LDB2: variants seen among roughly 807,000 people sequenced by gnomAD.
LDB2 encodes LIM domain binding 2.
Under a neutral mutation model 44.3 loss-of-function variants are expected in LDB2, and 12 were observed. The observed-to-expected ratio is 0.27, with a 90% CI of 0.17 to 0.44. LDB2 has a LOEUF of 0.44. LDB2 is among the 20% of genes least tolerant of loss of function. LDB2 has a pLI of 1.00. For missense variants in LDB2, 344 were observed against 473.5 expected, an observed-to-expected ratio of 0.73 and a Z score of 2.54; for synonymous variants, 164 against 174.8, an observed-to-expected ratio of 0.94 and a Z score of 0.49.
chr4:16,574,674 A>G (rs1275659446), intron 5 of LDB2, among the ~76,000 whole-genome samples: 2 of 152,210 alleles, frequency 1.3e-5, no homozygotes, highest in Non-Finnish European at 2.9e-5. Flanking sequence ...TATAATGTAA[A>G]AAATAAATGG....
intron 3 of LDB2, among the ~76,000 whole-genome samples, chr4:16,592,505 T>TATATATATACAC (rs757702164): frequency 7.5e-4 from 81 of 107,930 alleles, no homozygotes; most frequent in African/African-American, 2.9e-3. Flanking sequence ...TATATATATA[T>TATATATATACAC]ACACACACAC....
At chr4:16,644,925 G>C (rs547888699) in intron 2 of LDB2, among the ~76,000 whole-genome samples, 6 of 152,146 alleles carry the variant, frequency 3.9e-5, no homozygotes, top group African/African-American at 1.2e-4. Context: ...TACTATTCTA[G>C]GTATCTTTAG....
In LDB2 at chr4:16,582,050, G is replaced by GAAGGAAGA. The variant is rs1714884977; in HGVS notation, c.615+3871_615+3872insTCTTCCTT. ...GGAAGGAAGGAAGGAAGGAAGGAAGGAAAAGAAAGTAAGTCCCTGCAAAGC... is the reference window on the plus strand; with the variant it reads ...GGAAGGAAGGAAGGAAGGAAGGAAGGAAGGAAGAAAAAGAAAGTAAGTCCCTGCAAAGC... On this transcript the variant is annotated intron_variant, in intron 5 of 7. Transcript: ENST00000304523. This position sits in a 1 kb window ranked among gnomAD's most constrained non-coding sequence, Gnocchi z 4.8. Among the ~76,000 whole-genome samples, 1 of 142,306 alleles carries GAAGGAAGA rather than the reference G, an allele frequency of 7.0e-6. No individual in the cohort carries two copies. Among genetic ancestry groups the GAAGGAAGA allele is most frequent in the Non-Finnish European group, 1.5e-5 (1 of 64,756 alleles). The allele number at this position is 142,306 out of a possible 152,430, so 93.4% of individuals were successfully genotyped here. A position where few individuals can be genotyped will look rare whatever the true frequency, so the allele number is the denominator to read the frequency against.
At chr4:16,806,315 T>TC (rs987736114) in intron 1 of LDB2, among the ~76,000 whole-genome samples, 1 of 152,212 alleles carries the variant, frequency 6.6e-6, no homozygotes. Flanking sequence ...CCTCTTTCTT[T>TC]CCCCATGAAA....
chr4:16,704,199 C>A (rs549364729), intron 2 of LDB2, among the ~76,000 whole-genome samples: 17 of 152,280 alleles, frequency 1.1e-4, no homozygotes, highest in African/African-American at 4.1e-4. Flanking sequence ...TCCAGAACTA[C>A]AAAAACCCCT....
intron 7 of LDB2, 142 bp from the exon 8 acceptor site, chr4:16,503,015 C>G: frequency 1.3e-6 from 2 of 1,575,788 alleles, no homozygotes; most frequent in African/African-American, 1.3e-5. Context: ...TGTCGGGGGC[C>G]GAGACGCATA....
intron 1 of LDB2, among the ~76,000 whole-genome samples, chr4:16,874,611 A>G (rs915060544): frequency 6.6e-6 from 1 of 152,236 alleles, no homozygotes; most frequent in Non-Finnish European, 1.5e-5. Flanking sequence ...GATTCGCTAC[A>G]TTCCTGAAAA....
chr4:16,822,243 T>C (rs1450607119), intron 1 of LDB2, among the ~76,000 whole-genome samples: 2 of 152,200 alleles, frequency 1.3e-5, no homozygotes, highest in African/African-American at 4.8e-5. Flanking sequence ...TTTTATCTGA[T>C]ATAAAATGGC....
intron 5 of LDB2, among the ~76,000 whole-genome samples, chr4:16,517,359 C>T (rs1724146924): frequency 6.7e-6 from 1 of 150,362 alleles, no homozygotes; most frequent in African/African-American, 2.5e-5. Context: ...ATAAAAAAAA[C>T]ACCAGTCAAA....
At chr4:16,776,915 C>T (rs1466084925) in intron 1 of LDB2, among the ~76,000 whole-genome samples, 1 of 152,218 alleles carries the variant, frequency 6.6e-6, no homozygotes, top group Non-Finnish European at 1.5e-5. Flanking sequence ...TGCGGGGTGT[C>T]CTGTGCCTTC....
intron 2 of LDB2, among the ~76,000 whole-genome samples, chr4:16,669,209 T>A (rs757416570): frequency 6.6e-6 from 1 of 152,224 alleles, no homozygotes. Context: ...ATTATGTAAT[T>A]TGACCATGAC....
At chr4:16,824,825 A>G (rs2110000305) in intron 1 of LDB2, among the ~76,000 whole-genome samples, 1 of 152,380 alleles carries the variant, frequency 6.6e-6, no homozygotes, top group African/African-American at 2.4e-5. Flanking sequence ...AGTGCCAGCC[A>G]TGTCCTGGCA....
intron 1 of LDB2, among the ~76,000 whole-genome samples, chr4:16,865,351 A>G (rs1714322435): frequency 6.6e-6 from 1 of 152,200 alleles, no homozygotes; most frequent in Admixed American, 6.5e-5. Flanking sequence ...CACTGCCCTC[A>G]GCCCTATTGC....
rs1776678251 is a variant in LDB2 at position 16,796,127 on chromosome 4, A to C, written c.133-36867T>G. Among the ~76,000 whole-genome samples, 2 of 152,018 alleles carry C rather than the reference A, an allele frequency of 1.3e-5. 1 individual carries two copies. Among genetic ancestry groups the C allele is most frequent in the South Asian group, 4.2e-4 (2 of 4,816 alleles). ...GGCAACATGGTGAAATCCCATCTCT[A>C]CAAAAAAAAAATTAGCCCGTCATGG... On this transcript the variant is annotated intron_variant, in intron 1 of 7. Coordinates refer to ENST00000304523, the MANE Select transcript of LDB2 (RefSeq NM_001290.5).
At position 16,821,746 on chromosome 4, in the gene LDB2, C is replaced by CAAAAAAAAAAAA. The variant is rs562184189; in HGVS notation, c.133-62498_133-62487dup. On this transcript the variant is annotated intron_variant, in intron 1 of 7. Coordinates refer to ENST00000304523, the MANE Select transcript of LDB2 (RefSeq NM_001290.5). ...AATGGAAACCATTCCAACATTAAAG[C>CAAAAAAAAAAAA]AAAAAAAAAAAAAAAAAAAAAAAAT... Among the ~76,000 whole-genome samples, 264 of 61,710 alleles carry CAAAAAAAAAAAA rather than the reference C, an allele frequency of 4.3e-3. 35 individuals carry two copies. The highest frequency in any genetic ancestry group is 5.8e-3 in the Non-Finnish European group (202 of 34,966). The allele number at this position is 61,710 out of a possible 152,430, so 40.5% of individuals were successfully genotyped here.
chr4:16,883,880 C>G (rs910842314), intron 1 of LDB2, among the ~76,000 whole-genome samples: 1 of 152,140 alleles, frequency 6.6e-6, no homozygotes, highest in Non-Finnish European at 1.5e-5. Context: ...GTTACATCAC[C>G]TTGGCTTACG....
Position 16,703,232 on chromosome 4 carries a change from G to A in LDB2, c.235+55926C>T, listed in dbSNP as rs372444281. ...TAAGGGGAGGCAGCTATATGAAATT[G>A]GGAAACCAGGTATTTTTTCTGAAAA... On this transcript the variant is annotated intron_variant, in intron 2 of 7. Coordinates refer to ENST00000304523, the MANE Select transcript of LDB2 (RefSeq NM_001290.5). Among the ~76,000 whole-genome samples, 7 of 152,334 alleles carry A rather than the reference G, an allele frequency of 4.6e-5. No homozygotes were observed. The East Asian group carries it at 5.8e-4, about 13-fold the overall frequency.
intron 5 of LDB2, among the ~76,000 whole-genome samples, chr4:16,529,235 A>C (rs987485278): frequency 5.3e-5 from 8 of 152,142 alleles, no homozygotes; most frequent in African/African-American, 1.9e-4. Context: ...CCCCAGACCG[A>C]ATCAATTACC....
chr4:16,805,202 A>G (rs1778555599), intron 1 of LDB2, among the ~76,000 whole-genome samples: 1 of 152,208 alleles, frequency 6.6e-6, no homozygotes, highest in South Asian at 2.1e-4. Flanking sequence ...TACCTCCCAG[A>G]GTCCCCAACT....
Sources: allele counts gnomAD v4.1 joint callset (sites outside exome capture counted in the v4.1 genomes callset), GRCh38; gene constraint gnomAD v4.1.1; non-coding constraint Gnocchi (gnomAD v3.1); transcripts MANE v1.5; gene names NCBI Gene and HGNC (gene_info 2026-07-23, HGNC 2026-07-21).